The following LAMA3 variants were observed in gnomAD, a reference collection of about 807,000 sequenced individuals.
LAMA3 encodes the protein laminin subunit alpha-3.
In LAMA3, 281 loss-of-function variants were observed where a neutral mutation model predicts 402.0. The observed-to-expected ratio is 0.70, with a 90% CI of 0.63 to 0.77. LAMA3 has a LOEUF of 0.77. Among genes scored for constraint, LAMA3 ranks in the 30% least tolerant of loss-of-function variants. The pLI, the probability that LAMA3 is intolerant of heterozygous loss-of-function variation, is 0.00. For missense variants in LAMA3, 3,840 were observed against 4,215.5 expected, an observed-to-expected ratio of 0.91 and a Z score of 2.47; for synonymous variants, 1,431 against 1,558.4, an observed-to-expected ratio of 0.92 and a Z score of 1.93.
chr18:23,940,886 C>G (rs1294579130), intron 68 of LAMA3, among the ~76,000 whole-genome samples: 1 of 152,018 alleles, frequency 6.6e-6, no homozygotes, highest in Non-Finnish European at 1.5e-5. Flanking sequence ...ACTCCCCACC[C>G]CTGCTCTCTT....
chr18:23,783,993 C>G, intron 11 of LAMA3, 30 bp from the exon 12 acceptor site: 1 of 1,613,610 alleles, frequency 6.2e-7, no homozygotes, highest in Non-Finnish European at 8.5e-7. Context: ...AAGATGGAGA[C>G]CCCTTCTGAA....
At chr18:23,724,793 G>A (rs759584373) in intron 2 of LAMA3, among the ~76,000 whole-genome samples, 5 of 152,042 alleles carry the variant, frequency 3.3e-5, no homozygotes, top group Non-Finnish European at 7.4e-5. Context: ...GACAGTTCAC[G>A]GAAGCTTGAG....
rs34713637 is a variant in LAMA3, at chr18:23,814,420, G to A, written c.1806G>A (p.Lys602=). ...INSNLGYCQC[K]LHVEGPTCSR... ...ATTCAAAGGGGTATTGCCAATGCAA[G>A]CTTCATGTTGAAGGTCCTACTTGTA... is the stretch of plus-strand genomic sequence containing the variant. Residue 602 remains lysine, a synonymous_variant, in exon 15 of 75, where the codon AAG becomes AAA. Coordinates refer to ENST00000313654, the MANE Select transcript of LAMA3 (RefSeq NM_198129.4). 17,127 of 1,612,818 alleles carry A rather than the reference G, an allele frequency of 0.011. 291 individuals are homozygous for A. Among genetic ancestry groups the A allele is most frequent in the South Asian group, 0.063 (5,751 of 91,028 alleles).
chr18:23,785,168 T>C (rs1245461335), intron 12 of LAMA3, among the ~76,000 whole-genome samples: 4 of 152,218 alleles, frequency 2.6e-5, no homozygotes, highest in Non-Finnish European at 5.9e-5. Flanking sequence ...AGCTACAGGA[T>C]GCAGCCTCCT....
At chr18:23,710,290 T>G in intron 1 of LAMA3, 1 of 517,354 alleles carries the variant, frequency 1.9e-6, no homozygotes. Flanking sequence ...GGCGCCATCT[T>G]GTGAAAAGAC....
chr18:23,741,720 C>T (rs904679698), intron 2 of LAMA3, among the ~76,000 whole-genome samples: 1 of 151,996 alleles, frequency 6.6e-6, no homozygotes, highest in African/African-American at 2.4e-5. Flanking sequence ...AGGTAACTTA[C>T]GATGGGGAAA....
At chr18:23,842,299 T>C in intron 27 of LAMA3, 96 bp from the exon 28 acceptor site, 1 of 1,506,790 alleles carries the variant, frequency 6.6e-7, no homozygotes, top group Non-Finnish European at 9.2e-7. Flanking sequence ...TAGGTTGTTT[T>C]GTTTTTTAAC....
At chr18:23,712,319 C>T (rs555431318) in intron 1 of LAMA3, among the ~76,000 whole-genome samples, 13 of 146,196 alleles carry the variant, frequency 8.9e-5, no homozygotes, top group Admixed American at 5.6e-4. Context: ...GCGGAGGTTG[C>T]GGTGAGCTGA....
At chr18:23,873,935 A>G (rs974866980) in intron 38 of LAMA3, among the ~76,000 whole-genome samples, 3 of 152,248 alleles carry the variant, frequency 2.0e-5, no homozygotes, top group African/African-American at 7.2e-5. Flanking sequence ...AGTGTTCAAT[A>G]TAATCTGAGT....
At chr18:23,943,079 G>GT (rs1249946841) in intron 68 of LAMA3, among the ~76,000 whole-genome samples, 1 of 152,196 alleles carries the variant, frequency 6.6e-6, no homozygotes, top group Non-Finnish European at 1.5e-5. Context: ...TGTTATTCAA[G>GT]TTGTCCCCTA....
At chr18:23,778,155 A>G (rs563341848) in intron 11 of LAMA3, among the ~76,000 whole-genome samples, 43 of 152,318 alleles carry the variant, frequency 2.8e-4, no homozygotes, top group African/African-American at 1.0e-3. Context: ...CCTGGCAGAG[A>G]GTAGCAGTGG....
intron 2 of LAMA3, among the ~76,000 whole-genome samples, chr18:23,730,018 T>C (rs2061364759): frequency 6.6e-6 from 1 of 152,224 alleles, no homozygotes; most frequent in Non-Finnish European, 1.5e-5. Flanking sequence ...CCTGCAAAGA[T>C]CCATTTGGAC....
intron 12 of LAMA3, among the ~76,000 whole-genome samples, chr18:23,802,465 C>A (rs2062882400): frequency 6.6e-6 from 1 of 152,184 alleles, no homozygotes; most frequent in Non-Finnish European, 1.5e-5. Context: ...TACTAAGAGA[C>A]ACCTTAAGTC....
At position 23,739,444 on chromosome 18, in the gene LAMA3, T is replaced by TAGAAATGTAGTCAAAAAC. The variant is rs1246487373; in HGVS notation, c.448-8498_448-8481dup. ...TTTAAGTGAGCTTCGTTATGCCCTTTAGAAATGTAGTCAAAAACGTTTCTG... is the reference window on the plus strand; with the variant it reads ...TTTAAGTGAGCTTCGTTATGCCCTTTAGAAATGTAGTCAAAAACAGAAATGTAGTCAAAAACGTTTCTG... On this transcript the variant is annotated intron_variant, in intron 2 of 74. Transcript: ENST00000313654. Among the ~76,000 whole-genome samples, 3 of 152,224 alleles carry TAGAAATGTAGTCAAAAAC rather than the reference T, an allele frequency of 2.0e-5. 1 individual carries two copies. In the East Asian group the frequency reaches 5.8e-4, roughly 29 times the overall value.
intron 2 of LAMA3, among the ~76,000 whole-genome samples, chr18:23,727,069 G>A (rs113920273): frequency 0.013 from 1,933 of 152,218 alleles, 12 homozygotes; most frequent in Non-Finnish European, 0.02. Context: ...ATTTTGCTGT[G>A]CAGAAACTTT....
chr18:23,949,670 C>G (rs370073815), intron 70 of LAMA3, 95 bp from the exon 71 acceptor site: 5 of 1,212,980 alleles, frequency 4.1e-6, no homozygotes, highest in East Asian at 4.6e-5. Flanking sequence ...TACCTTCCCC[C>G]TTTTGCTGAC....
At chr18:23,818,339 G>A (rs1292791359) in intron 18 of LAMA3, among the ~76,000 whole-genome samples, 1 of 152,190 alleles carries the variant, frequency 6.6e-6, no homozygotes, top group East Asian at 1.9e-4. Context: ...CCTGAGGCAA[G>A]AATATTAACT....
chr18:23,787,293 A>G (rs1304417840), intron 12 of LAMA3, among the ~76,000 whole-genome samples: 3 of 152,208 alleles, frequency 2.0e-5, no homozygotes, highest in East Asian at 3.8e-4. Context: ...AAATAAATAA[A>G]TAAATAAACA....
chr18:23,743,275 G>A (rs1422252293), intron 2 of LAMA3, among the ~76,000 whole-genome samples: 1 of 152,204 alleles, frequency 6.6e-6, no homozygotes, highest in Non-Finnish European at 1.5e-5. Context: ...CATAGCCAGT[G>A]GGTGACAGGG....
Sources: allele counts gnomAD v4.1 joint callset (sites outside exome capture counted in the v4.1 genomes callset), GRCh38; gene constraint gnomAD v4.1.1; transcripts MANE v1.5; gene names NCBI Gene and HGNC (gene_info 2026-07-23, HGNC 2026-07-21).